The following MAML3 variants were observed in gnomAD, a reference collection of about 807,000 sequenced individuals.
The protein encoded by MAML3 is mastermind-like protein 3.
MAML3 carries 27 observed loss-of-function variants against 101.9 expected under a neutral mutation model. The observed-to-expected ratio is 0.27, with a 90% CI of 0.20 to 0.37. The LOEUF (loss-of-function observed/expected upper bound fraction) is 0.37. MAML3 is among the 10% of genes least tolerant of loss of function. The pLI, the probability that MAML3 is intolerant of heterozygous loss-of-function variation, is 1.00. For missense variants in MAML3, 1,316 were observed against 1,444.9 expected (o/e 0.91, Z 1.45); for synonymous variants, 501 against 555.9 (o/e 0.90, Z 1.39).
intron 1 of MAML3, among the ~76,000 whole-genome samples, chr4:140,132,726 T>C (rs969086943): frequency 6.6e-6 from 1 of 152,224 alleles, no homozygotes. Context: ...AAACATTTGT[T>C]CACTGTTCTG....
In MAML3 at chr4:139,735,241, T is replaced by C. The variant is rs1029539575; in HGVS notation, c.2080-4574A>G. On this transcript the variant is annotated intron_variant, in intron 2 of 4. Transcript: ENST00000509479. This position sits in a 1 kb window ranked among gnomAD's most constrained non-coding sequence, Gnocchi z 5.8. Reference sequence around the variant, plus strand: ...CGACAGCCTGAGACAATCCAGGAATTCCCTGGTGACTCGAGGCCCTCTTTG... The same window carrying C: ...CGACAGCCTGAGACAATCCAGGAATCCCCTGGTGACTCGAGGCCCTCTTTG... Among the ~76,000 whole-genome samples, 2 of 152,206 alleles carry C rather than the reference T, an allele frequency of 1.3e-5. No individual in the cohort carries two copies. Among genetic ancestry groups the C allele is most frequent in the African/African-American group, 4.8e-5 (2 of 41,448 alleles).
chr4:139,756,704 T>C (rs3796633), intron 2 of MAML3, among the ~76,000 whole-genome samples: 14,507 of 152,210 alleles, frequency 0.095, 737 homozygotes, highest in African/African-American at 0.11. Flanking sequence ...CTCTGCAACT[T>C]TTTGCTCTGA....
intron 2 of MAML3, among the ~76,000 whole-genome samples, chr4:139,836,251 T>C (rs1437861684): frequency 1.3e-5 from 2 of 152,242 alleles, no homozygotes; most frequent in Non-Finnish European, 2.9e-5. Flanking sequence ...AAAGGTGTTA[T>C]AGAGACCAGA....
intron 1 of MAML3, among the ~76,000 whole-genome samples, chr4:140,066,867 T>A (rs1022156226): frequency 2.0e-5 from 3 of 152,234 alleles, no homozygotes; most frequent in Non-Finnish European, 4.4e-5. Context: ...TATCTGCACA[T>A]CTGTGTTGAG....
chr4:140,077,833 C>T (rs1326413303), intron 1 of MAML3, among the ~76,000 whole-genome samples: 1 of 152,072 alleles, frequency 6.6e-6, no homozygotes. Flanking sequence ...TCCCAGCCAA[C>T]ATGGTGAAAC....
At chr4:139,903,438 G>A (rs17050999) in intron 1 of MAML3, among the ~76,000 whole-genome samples, 6,612 of 152,210 alleles carry the variant, frequency 0.043, 196 homozygotes, top group African/African-American at 0.081. Flanking sequence ...GAATCTTTAC[G>A]GCTAATAACC....
At chr4:140,124,337 T>C (rs1202792695) in intron 1 of MAML3, among the ~76,000 whole-genome samples, 1 of 152,200 alleles carries the variant, frequency 6.6e-6, no homozygotes, top group Non-Finnish European at 1.5e-5. Context: ...GATTAGCTCC[T>C]CAATATGCCC....
intron 2 of MAML3, among the ~76,000 whole-genome samples, chr4:139,771,583 G>T (rs1360374935): frequency 6.6e-6 from 1 of 152,182 alleles, no homozygotes; most frequent in Non-Finnish European, 1.5e-5. Context: ...AAAATAAAGG[G>T]CAGAGTTCAC....
chr4:139,767,186 A>G (rs1023097821), intron 2 of MAML3, among the ~76,000 whole-genome samples: 2 of 152,244 alleles, frequency 1.3e-5, no homozygotes, highest in African/African-American at 4.8e-5. Context: ...ACATTGGGTC[A>G]GGCCTACCAC....
At chr4:140,088,211 G>C (rs997023307) in intron 1 of MAML3, among the ~76,000 whole-genome samples, 1 of 151,998 alleles carries the variant, frequency 6.6e-6, no homozygotes, top group African/African-American at 2.4e-5. Context: ...AAGTGTGATG[G>C]GAGGGAGGAA....
chr4:139,720,392 G>A (rs1023711288), intron 4 of MAML3, 69 bp from the exon 5 acceptor site: 1 of 1,402,754 alleles, frequency 7.1e-7, no homozygotes, highest in Non-Finnish European at 9.4e-7. Flanking sequence ...CAAGATGTTG[G>A]AATTTTCTTT....
At chr4:139,792,264 T>C (rs1294686542) in intron 2 of MAML3, among the ~76,000 whole-genome samples, 1 of 152,178 alleles carries the variant, frequency 6.6e-6, no homozygotes, top group Non-Finnish European at 1.5e-5. Context: ...ATCTGAGAAG[T>C]CATCTACTCC....
At chr4:139,904,248 G>A (rs1249656248) in intron 1 of MAML3, among the ~76,000 whole-genome samples, 1 of 151,912 alleles carries the variant, frequency 6.6e-6, no homozygotes, top group African/African-American at 2.4e-5. Context: ...GGCAACTCTA[G>A]CAAACTAATG....
chr4:139,860,949 G>A (rs1052200778), intron 2 of MAML3, among the ~76,000 whole-genome samples: 1 of 151,822 alleles, frequency 6.6e-6, no homozygotes, highest in Non-Finnish European at 1.5e-5. Context: ...GGTATTGTAG[G>A]TACTCAGTGT....
chr4:139,733,727 C>G (rs1728816728), intron 2 of MAML3, among the ~76,000 whole-genome samples: 1 of 152,166 alleles, frequency 6.6e-6, no homozygotes, highest in Non-Finnish European at 1.5e-5. Flanking sequence ...CTCCGTTGCC[C>G]AGGCTGGGGT....
intron 2 of MAML3, among the ~76,000 whole-genome samples, chr4:139,767,855 C>G (rs905521414): frequency 1.3e-5 from 2 of 152,198 alleles, no homozygotes; most frequent in Non-Finnish European, 2.9e-5. Flanking sequence ...TAAGAACCAC[C>G]ACCTTTGACC....
intron 2 of MAML3, among the ~76,000 whole-genome samples, chr4:139,734,792 G>T (rs939030979): frequency 6.6e-6 from 1 of 152,278 alleles, no homozygotes; most frequent in African/African-American, 2.4e-5. Context: ...TTGGGTGAGA[G>T]GGGCCAGCCT....
intron 1 of MAML3, among the ~76,000 whole-genome samples, chr4:140,119,959 CG>C (rs984399253): frequency 6.6e-6 from 1 of 152,034 alleles, no homozygotes; most frequent in East Asian, 1.9e-4. Flanking sequence ...AACCAAAGGC[CG>C]GGCGCGGTGG....
At chr4:139,790,231 A>ATATATATATATATATATATATATAT (rs1730382099) in intron 2 of MAML3, among the ~76,000 whole-genome samples, 1 of 144,070 alleles carries the variant, frequency 6.9e-6, no homozygotes, top group African/African-American at 2.6e-5. Context: ...ATATATATAT[A>ATATATATATATATATATATATATAT]TATATATATA....
Sources: allele counts gnomAD v4.1 joint callset (sites outside exome capture counted in the v4.1 genomes callset), GRCh38; gene constraint gnomAD v4.1.1; non-coding constraint Gnocchi (gnomAD v3.1); transcripts MANE v1.5; gene names NCBI Gene and HGNC (gene_info 2026-07-23, HGNC 2026-07-21).